Variants in HS2ST1 observed in about 807,000 individuals in gnomAD.
HS2ST1 encodes the protein 2-O-sulfotransferase.
Under a neutral mutation model 42.9 loss-of-function variants are expected in HS2ST1, and 18 were observed. The observed-to-expected ratio is 0.42, with a 90% CI of 0.29 to 0.62. The LOEUF (loss-of-function observed/expected upper bound fraction) is 0.62. HS2ST1 is among the 20% of genes least tolerant of loss of function. The pLI, the probability that HS2ST1 is intolerant of heterozygous loss-of-function variation, is 0.21. For synonymous variants in HS2ST1, 146 were observed against 152.9 expected (o/e 0.95, Z 0.33); for missense variants, 334 against 433.8 (o/e 0.77, Z 2.04).
At chr1:87,053,137 A>G (rs956026336) in intron 1 of HS2ST1, among the ~76,000 whole-genome samples, 1 of 152,218 alleles carries the variant, frequency 6.6e-6, no homozygotes, top group Non-Finnish European at 1.5e-5. Flanking sequence ...GTTTTCGTTA[A>G]TGATACCCAA....
At chr1:86,926,226 T>C (rs528171744) in intron 1 of HS2ST1, among the ~76,000 whole-genome samples, 90 of 152,210 alleles carry the variant, frequency 5.9e-4, no homozygotes, top group Non-Finnish European at 1.2e-3. Flanking sequence ...TTCCCAAAAT[T>C]GTTCCACCTG....
chr1:86,963,336 T>C (rs976298223), intron 1 of HS2ST1, among the ~76,000 whole-genome samples: 3 of 152,126 alleles, frequency 2.0e-5, no homozygotes, highest in African/African-American at 4.8e-5. Flanking sequence ...CCGTGGGTAC[T>C]TGAGATTAGG....
chr1:87,082,312 A>G (rs1048915157), intron 2 of HS2ST1, among the ~76,000 whole-genome samples: 2 of 152,306 alleles, frequency 1.3e-5, no homozygotes, highest in East Asian at 3.9e-4. Flanking sequence ...GAAAAAGAAT[A>G]CTTGAATTTG....
chr1:86,957,797 T>G (rs1263114640), intron 1 of HS2ST1, among the ~76,000 whole-genome samples: 3 of 150,634 alleles, frequency 2.0e-5, no homozygotes, highest in African/African-American at 2.4e-5. Flanking sequence ...TTTTAGATTT[T>G]TTTTTTTTTT....
chr1:87,055,273 C>G (rs1486275882), intron 1 of HS2ST1, among the ~76,000 whole-genome samples: 1 of 152,158 alleles, frequency 6.6e-6, no homozygotes, highest in African/African-American at 2.4e-5. Flanking sequence ...GAATTCCTTT[C>G]TTCATCCCCA....
In HS2ST1 at chr1:86,985,383, T is replaced by TATATACACACACAC. The variant is rs1413099470; in HGVS notation, c.124+70224_124+70225insTATACACACACACA. Among the ~76,000 whole-genome samples the TATATACACACACAC allele has an allele frequency of 1.1e-4, 5 of 44,706 alleles. 1 individual carries two copies. The highest frequency in any genetic ancestry group is 2.0e-4 in the African/African-American group (4 of 19,674). The allele number at this position is 44,706 out of a possible 152,430, so 29.3% of individuals were successfully genotyped here. Reference sequence around the variant, plus strand: ...AAAAAAAAAAGTATATATATATATATACACACACACACACACATATATATA... The same window carrying TATATACACACACAC: ...AAAAAAAAAAGTATATATATATATATATATACACACACACACACACACACACACACATATATATA... On this transcript the variant is annotated intron_variant, in intron 1 of 6. Transcript: ENST00000370550.
At chr1:87,078,661 G>T (rs779624041) in intron 2 of HS2ST1, among the ~76,000 whole-genome samples, 9 of 151,890 alleles carry the variant, frequency 5.9e-5, no homozygotes, top group Non-Finnish European at 1.3e-4. Flanking sequence ...TCCTTTTTTG[G>T]CCTATCACTT....
At chr1:86,924,415 C>T (rs1022625712) in intron 1 of HS2ST1, among the ~76,000 whole-genome samples, 2 of 152,206 alleles carry the variant, frequency 1.3e-5, no homozygotes, top group African/African-American at 2.4e-5. Context: ...CTAGGTGGTG[C>T]CCCAGTAGGG....
At chr1:86,985,409 C>T (rs1385496209) in intron 1 of HS2ST1, among the ~76,000 whole-genome samples, 1 of 47,632 alleles carries the variant, frequency 2.1e-5, no homozygotes, top group Non-Finnish European at 5.2e-5. Flanking sequence ...CATATATATA[C>T]ACATATATAT....
At position 86,952,754 on chromosome 1, in the gene HS2ST1, G is replaced by A. The variant is rs372273330; in HGVS notation, c.124+37594G>A. Among the ~76,000 whole-genome samples the A allele has an allele frequency of 2.6e-5, 4 of 152,146 alleles. No individual in the cohort carries two copies. The East Asian group carries it at 5.8e-4, about 22-fold the overall frequency. On this transcript the variant is annotated intron_variant, in intron 1 of 6. Transcript: ENST00000370550. ...GTGGGCTTAAAATATTCAGTAAACC[G>A]GGTGGTAAACTGAGGTGCTATCAGC...
At chr1:86,951,423 G>C (rs1046997819) in intron 1 of HS2ST1, among the ~76,000 whole-genome samples, 1 of 152,192 alleles carries the variant, frequency 6.6e-6, no homozygotes, top group Admixed American at 6.5e-5. Flanking sequence ...CGAATATTTT[G>C]ACTTCTCAGT....
At chr1:87,088,703 C>T (rs1651870170) in intron 3 of HS2ST1, among the ~76,000 whole-genome samples, 1 of 152,096 alleles carries the variant, frequency 6.6e-6, no homozygotes, top group Admixed American at 6.6e-5. Context: ...TGTGTATCCT[C>T]ACTAGCATTT....
chr1:87,071,383 T>C (rs963523382), intron 1 of HS2ST1, among the ~76,000 whole-genome samples: 2 of 152,176 alleles, frequency 1.3e-5, no homozygotes, highest in Non-Finnish European at 2.9e-5. Context: ...AATGTAAAAC[T>C]GCAATTATGA....
At chr1:86,918,429 T>C (rs1660214388) in intron 1 of HS2ST1, among the ~76,000 whole-genome samples, 1 of 152,066 alleles carries the variant, frequency 6.6e-6, no homozygotes, top group Non-Finnish European at 1.5e-5. Context: ...ATTAAGCCAT[T>C]ATTCTAGTAA....
At chr1:87,094,509 G>A (rs1652018707) in intron 4 of HS2ST1, among the ~76,000 whole-genome samples, 1 of 152,084 alleles carries the variant, frequency 6.6e-6, no homozygotes, top group Non-Finnish European at 1.5e-5. Flanking sequence ...GCACAGAAAG[G>A]CTAAGTATTT....
intron 1 of HS2ST1, among the ~76,000 whole-genome samples, chr1:87,022,263 T>C (rs981102243): frequency 6.6e-6 from 1 of 152,184 alleles, no homozygotes; most frequent in Non-Finnish European, 1.5e-5. Flanking sequence ...CTTTCTTACC[T>C]GTCATATTAG....
At chr1:86,956,284 T>G (rs1185166293) in intron 1 of HS2ST1, among the ~76,000 whole-genome samples, 1 of 152,210 alleles carries the variant, frequency 6.6e-6, no homozygotes, top group East Asian at 1.9e-4. Context: ...TCCTTTTGAT[T>G]CCAAGATTGT....
intron 1 of HS2ST1, among the ~76,000 whole-genome samples, chr1:86,980,472 A>G (rs968083266): frequency 1.3e-5 from 2 of 150,844 alleles, no homozygotes; most frequent in Admixed American, 6.6e-5. Flanking sequence ...CAATTCATTG[A>G]TTTTTTTTTT....
At chr1:87,037,140 G>A (rs368713445) in intron 1 of HS2ST1, among the ~76,000 whole-genome samples, 3,651 of 151,462 alleles carry the variant, frequency 0.024, 50 homozygotes, top group South Asian at 0.054. Context: ...TTGCTTTATC[G>A]TCATTGAAAT....
Sources: allele counts gnomAD v4.1 joint callset (sites outside exome capture counted in the v4.1 genomes callset), GRCh38; gene constraint gnomAD v4.1.1; transcripts MANE v1.5; gene names NCBI Gene and HGNC (gene_info 2026-07-23, HGNC 2026-07-21).